Variants in SMURF1 observed in about 807,000 individuals in gnomAD.
SMURF1 encodes SMAD specific E3 ubiquitin protein ligase 1.
Under a neutral mutation model 98.0 loss-of-function variants are expected in SMURF1, and 44 were observed. That is an observed-to-expected ratio of 0.45 (90% CI 0.35 to 0.58). The LOEUF is 0.58. Among genes scored for constraint, SMURF1 ranks in the 20% least tolerant of loss-of-function variants. SMURF1 has a pLI of 0.00. For missense variants in SMURF1, 687 were observed against 938.4 expected (o/e 0.73, Z 3.50); for synonymous variants, 396 against 374.9 (o/e 1.06, Z -0.65).
chr7:99,062,063 A>C (rs1796045897), intron 1 of SMURF1, among the ~76,000 whole-genome samples: 2 of 152,150 alleles, frequency 1.3e-5, no homozygotes, highest in African/African-American at 2.4e-5. Flanking sequence ...TAAACTAAAA[A>C]TCTTAAACAC....
chr7:99,087,990 C>G (rs1207990879), intron 1 of SMURF1, among the ~76,000 whole-genome samples: 1 of 152,052 alleles, frequency 6.6e-6, no homozygotes, highest in Non-Finnish European at 1.5e-5. Context: ...GGAGCAGTGG[C>G]TCACATCTGT....
intron 1 of SMURF1, among the ~76,000 whole-genome samples, chr7:99,117,862 C>T (rs374957891): frequency 1.9e-4 from 29 of 151,810 alleles, no homozygotes; most frequent in African/African-American, 6.8e-4. Flanking sequence ...GGCGGACCAC[C>T]TGAGGTCAGG....
rs751372103 is a variant in SMURF1, at chr7:99,052,271, C to T, written c.655G>A (p.Gly219Ser). The part of the protein sequence containing the change: ...AQRLRNPDVR[G>S]SLQTPQNRPH... ...CGGTTCTGGGGCGTCTGTAGTGAAC[C>T]TCGCACATCAGGGTTTCGAAGCCGC... Residue 219 changes from glycine (G) to serine (S), a missense_variant, in exon 7 of 18, where the codon GGT (glycine) becomes AGT (serine). Coordinates refer to ENST00000361368, the MANE Select transcript of SMURF1 (RefSeq NM_181349.3). 5.6e-6 allele frequency: 9 copies of T among 1,611,224 alleles called. No homozygotes were observed. Among genetic ancestry groups the T allele is most frequent in the Non-Finnish European group, 7.6e-6 (9 of 1,178,612 alleles).
At position 99,094,337 on chromosome 7, in the gene SMURF1, AAATTTTAAATAACTCCACAGGT is replaced by A. The variant is rs534721375; in HGVS notation, c.56-32522_56-32501del. On this transcript the variant is annotated intron_variant, in intron 1 of 17. Coordinates refer to ENST00000361368, the MANE Select transcript of SMURF1 (RefSeq NM_181349.3). ...AGTTTAGGGCAATATATATCAACTTAAATTTTAAATAACTCCACAGGTAATTTTAAATAACTCCACAGGTAAT... is the reference window on the plus strand; with the variant it reads ...AGTTTAGGGCAATATATATCAACTTAAATTTTAAATAACTCCACAGGTAAT... Among the ~76,000 whole-genome samples the A allele has an allele frequency of 7.0e-4, 106 of 152,344 alleles. 3 individuals are homozygous for A. In the South Asian group the frequency reaches 0.016, roughly 22 times the overall value.
intron 1 of SMURF1, among the ~76,000 whole-genome samples, chr7:99,104,003 G>C (rs1028416547): frequency 6.6e-6 from 1 of 150,874 alleles, no homozygotes; most frequent in East Asian, 1.9e-4. Context: ...AGCAATTCTC[G>C]TGCCTCAGCC....
chr7:99,054,952 T>G, intron 5 of SMURF1, 87 bp from the exon 6 acceptor site: 1 of 1,222,548 alleles, frequency 8.2e-7, no homozygotes, highest in Admixed American at 1.7e-5. Context: ...TTAGAATTTA[T>G]GTACAATATC....
intron 1 of SMURF1, among the ~76,000 whole-genome samples, chr7:99,111,849 C>T (rs1797331165): frequency 6.6e-6 from 1 of 152,166 alleles, no homozygotes; most frequent in African/African-American, 2.4e-5. Flanking sequence ...CCCTGAAGAA[C>T]TGGCTCAAAG....
At position 99,052,313 on chromosome 7, in the gene SMURF1, G is replaced by C. The variant is rs1355433444; in HGVS notation, c.613C>G (p.Gln205Glu). ...CRFVESPSQD[Q>E]RLQAQRLRNP... Reference sequence around the variant, plus strand: ...CGAAGCCGCTGTGCCTGAAGTCTTTGATCTTGACTTGGGGACTCCACGAAC... The same window carrying C: ...CGAAGCCGCTGTGCCTGAAGTCTTTCATCTTGACTTGGGGACTCCACGAAC... The change falls in exon 7 of 18, where the codon CAA becomes GAA. Residue 205 changes from glutamine (Q) to glutamate (E), a missense_variant. Transcript: ENST00000361368. The C allele has an allele frequency of 3.7e-6, 6 of 1,613,078 alleles. No homozygotes were observed. Among genetic ancestry groups the C allele is most frequent in the Non-Finnish European group, 5.1e-6 (6 of 1,179,588 alleles).
intron 1 of SMURF1, among the ~76,000 whole-genome samples, chr7:99,088,353 T>G (rs148730145): frequency 9.2e-5 from 14 of 152,008 alleles, no homozygotes; most frequent in Middle Eastern, 3.4e-3. Context: ...TTTTAAGTGC[T>G]CCTTTGCTCA....
chr7:99,126,441 A>G (rs1488919971), intron 1 of SMURF1, among the ~76,000 whole-genome samples: 1 of 150,596 alleles, frequency 6.6e-6, no homozygotes, highest in Admixed American at 6.6e-5. Flanking sequence ...GCGGATCACG[A>G]GGTCAGATGT....
At chr7:99,060,278 C>T (rs1221988868) in intron 3 of SMURF1, among the ~76,000 whole-genome samples, 1 of 149,842 alleles carries the variant, frequency 6.7e-6, no homozygotes, top group Non-Finnish European at 1.5e-5. Context: ...ACTTGGGAGG[C>T]TGAGGTAGGA....
chr7:99,063,071 T>C (rs983587378), intron 1 of SMURF1, among the ~76,000 whole-genome samples: 6 of 151,126 alleles, frequency 4.0e-5, no homozygotes, highest in African/African-American at 1.5e-4. Context: ...TATTATGTTT[T>C]ATTAAGCACT....
Position 99,071,178 on chromosome 7 carries a change from G to GC in SMURF1, c.56-9342dup, listed in dbSNP as rs574312623. Reference sequence around the variant, plus strand: ...AGGTTCAAGCGATCCTCCTGCCTCAGCCCCCCTAGTAGCTGGGATTACAGG... The same window carrying GC: ...AGGTTCAAGCGATCCTCCTGCCTCAGCCCCCCCTAGTAGCTGGGATTACAGG... On this transcript the variant is annotated intron_variant, in intron 1 of 17. Coordinates refer to ENST00000361368, the MANE Select transcript of SMURF1 (RefSeq NM_181349.3). 2.3e-4 allele frequency among the ~76,000 whole-genome samples: 35 copies of GC among 151,914 alleles called. No individual in the cohort carries two copies. In the East Asian group the frequency reaches 5.0e-3, roughly 22 times the overall value.
chr7:99,093,741 C>CT (rs1223294731), intron 1 of SMURF1, among the ~76,000 whole-genome samples: 1 of 151,968 alleles, frequency 6.6e-6, no homozygotes, highest in East Asian at 1.9e-4. Flanking sequence ...GTATGGCACT[C>CT]TATATATGCA....
At chr7:99,054,936 G>T in intron 5 of SMURF1, 71 bp from the exon 6 acceptor site, 1 of 1,351,342 alleles carries the variant, frequency 7.4e-7, no homozygotes, top group Non-Finnish European at 1.1e-6. Flanking sequence ...GTGAGTCATT[G>T]CTAATTTAGA....
chr7:99,126,270 T>G (rs546964145), intron 1 of SMURF1, among the ~76,000 whole-genome samples: 1 of 147,712 alleles, frequency 6.8e-6, no homozygotes, highest in African/African-American at 2.7e-5. Context: ...TTATAAGCCT[T>G]AATATTAAAG....
At chr7:99,118,930 A>G (rs910308031) in intron 1 of SMURF1, among the ~76,000 whole-genome samples, 1 of 149,976 alleles carries the variant, frequency 6.7e-6, no homozygotes, top group Admixed American at 6.7e-5. Flanking sequence ...ATGCAATGAC[A>G]GCTCACTGCA....
chr7:99,108,473 G>A (rs1341258949), intron 1 of SMURF1, among the ~76,000 whole-genome samples: 7 of 151,016 alleles, frequency 4.6e-5, no homozygotes, highest in Non-Finnish European at 7.4e-5. Flanking sequence ...TTAACCGAGC[G>A]TGGTGGTGCA....
chr7:99,063,285 A>AAGATT (rs1156323383), intron 1 of SMURF1, among the ~76,000 whole-genome samples: 2 of 23,120 alleles, frequency 8.7e-5, no homozygotes, highest in East Asian at 3.1e-3. Context: ...ATATATATAT[A>AAGATT]TATATATATA....
Sources: allele counts gnomAD v4.1 joint callset (sites outside exome capture counted in the v4.1 genomes callset), GRCh38; gene constraint gnomAD v4.1.1; transcripts MANE v1.5; gene names NCBI Gene and HGNC (gene_info 2026-07-23, HGNC 2026-07-21).